QTMAN: variants seen among roughly 807,000 people sequenced by gnomAD.
QTMAN encodes tRNA-queuosine alpha-mannosyltransferase.
chr2:144,307,532 C>G, the QTMAN span, among the ~76,000 whole-genome samples: 1 of 152,124 alleles, frequency 6.6e-6, no homozygotes, highest in South Asian at 2.1e-4. Flanking sequence ...AAGTAACAGA[C>G]ACTAATATTG....
chr2:144,300,775 G>A, the QTMAN span, among the ~76,000 whole-genome samples: 3 of 152,132 alleles, frequency 2.0e-5, no homozygotes, highest in Non-Finnish European at 2.9e-5. Context: ...GTGGAAAACA[G>A]GGGTAGGGAT....
At chr2:144,189,376 G>A in the QTMAN span, among the ~76,000 whole-genome samples, 3 of 152,194 alleles carry the variant, frequency 2.0e-5, no homozygotes, top group Non-Finnish European at 4.4e-5. Flanking sequence ...GGTTTGCTCT[G>A]TGCCATTCAG....
the QTMAN span, among the ~76,000 whole-genome samples, chr2:144,156,130 G>A: frequency 1.3e-5 from 2 of 151,922 alleles, no homozygotes; most frequent in South Asian, 2.1e-4. Flanking sequence ...TGAGTTACTC[G>A]TTTTATCATT....
the QTMAN span, among the ~76,000 whole-genome samples, chr2:144,143,272 G>A: frequency 6.6e-6 from 1 of 151,860 alleles, no homozygotes; most frequent in Non-Finnish European, 1.5e-5. Context: ...AAGATTAAAG[G>A]GATAAAGCAA....
the QTMAN span, among the ~76,000 whole-genome samples, chr2:144,073,404 A>G: frequency 6.6e-6 from 1 of 152,160 alleles, no homozygotes; most frequent in African/African-American, 2.4e-5. Context: ...AGCCCAAGTC[A>G]TATCATGACA....
At chr2:144,176,289 C>T in the QTMAN span, among the ~76,000 whole-genome samples, 5 of 151,898 alleles carry the variant, frequency 3.3e-5, no homozygotes, top group African/African-American at 1.2e-4. Flanking sequence ...GGCATTTAAC[C>T]AAATGTAACA....
At chr2:144,332,526 GGCCGCCGCGGAT>G in the QTMAN span, 37 of 147,732 alleles carry the variant, frequency 2.5e-4, no homozygotes, top group Middle Eastern at 3.2e-3. Flanking sequence ...CCTCCCCCGC[GGCCGCCGCGGAT>G]GCCGCCGCCC....
At chr2:143,962,280 G>A in the QTMAN span, among the ~76,000 whole-genome samples, 1 of 152,078 alleles carries the variant, frequency 6.6e-6, no homozygotes. Flanking sequence ...TTTGCCAGGT[G>A]GAGAAAGGGT....
chr2:144,009,466 C>A, the QTMAN span, among the ~76,000 whole-genome samples: 9 of 152,114 alleles, frequency 5.9e-5, no homozygotes, highest in South Asian at 1.9e-3. Context: ...GGCTGTAGGA[C>A]CCTATGTACA....
At chr2:144,227,605 A>G in the QTMAN span, among the ~76,000 whole-genome samples, 2 of 152,214 alleles carry the variant, frequency 1.3e-5, no homozygotes, top group Non-Finnish European at 2.9e-5. Context: ...AGACACCAAG[A>G]TGACCCAATT....
At chr2:144,087,327 C>A in the QTMAN span, among the ~76,000 whole-genome samples, 1 of 152,008 alleles carries the variant, frequency 6.6e-6, no homozygotes, top group African/African-American at 2.4e-5. Flanking sequence ...AAAACATTCC[C>A]ACAAATAAAT....
the QTMAN span, among the ~76,000 whole-genome samples, chr2:143,966,512 T>C: frequency 6.6e-6 from 1 of 152,166 alleles, no homozygotes; most frequent in Non-Finnish European, 1.5e-5. Flanking sequence ...AAAACATTTA[T>C]TGAAAAAATG....
At chr2:144,093,979 T>A in the QTMAN span, among the ~76,000 whole-genome samples, 1 of 152,236 alleles carries the variant, frequency 6.6e-6, no homozygotes, top group South Asian at 2.1e-4. Flanking sequence ...GTTTAAAGGA[T>A]GTTTCCCATT....
the QTMAN span, among the ~76,000 whole-genome samples, chr2:144,182,861 AATAT>A: frequency 1.3e-3 from 86 of 66,754 alleles, no homozygotes; most frequent in Non-Finnish European, 1.9e-3. Flanking sequence ...TTTTATATAT[AATAT>A]ATATATATTA....
chr2:144,282,001 T>C, the QTMAN span, among the ~76,000 whole-genome samples: 6 of 152,160 alleles, frequency 3.9e-5, no homozygotes, highest in Admixed American at 2.6e-4. Flanking sequence ...CCCGGAAGGC[T>C]TGTTAAAACA....
the QTMAN span, among the ~76,000 whole-genome samples, chr2:144,115,780 G>A: frequency 3.3e-5 from 5 of 152,140 alleles, no homozygotes; most frequent in East Asian, 3.8e-4. Flanking sequence ...TGGCTATCAT[G>A]TCTTTCTCCA....
the QTMAN span, among the ~76,000 whole-genome samples, chr2:144,268,918 T>C: frequency 6.6e-6 from 1 of 152,082 alleles, no homozygotes; most frequent in South Asian, 2.1e-4. Flanking sequence ...GCCTCCCGAG[T>C]AGCTGGGATT....
chr2:143,965,087 G>A, the QTMAN span, among the ~76,000 whole-genome samples: 38 of 150,948 alleles, frequency 2.5e-4, no homozygotes, highest in African/African-American at 7.8e-4. Flanking sequence ...AATCTCAAGG[G>A]CTAACAATGT....
the QTMAN span, among the ~76,000 whole-genome samples, chr2:144,173,928 T>C: frequency 6.6e-6 from 1 of 152,132 alleles, no homozygotes; most frequent in Middle Eastern, 3.2e-3. Flanking sequence ...GTGATCTCCA[T>C]AGTCCAGCTC....
Sources: allele counts gnomAD v4.1 joint callset (sites outside exome capture counted in the v4.1 genomes callset), GRCh38; gene constraint gnomAD v4.1.1; transcripts MANE v1.5; gene names NCBI Gene and HGNC (gene_info 2026-07-23, HGNC 2026-07-21).